Variants in TMPRSS11A observed in about 807,000 individuals in gnomAD.
The protein encoded by TMPRSS11A is transmembrane serine protease 11A, also known as transmembrane protease serine 11A.
TMPRSS11A carries 53 observed loss-of-function variants against 58.9 expected under a neutral mutation model. The ratio of observed to expected loss-of-function variants is 0.90; its 90% CI spans 0.72 to 1.13. The LOEUF (loss-of-function observed/expected upper bound fraction) is 1.13. Among genes scored for constraint, TMPRSS11A ranks in the 50% most tolerant of loss-of-function variants. TMPRSS11A has a pLI of 0.00. For missense variants in TMPRSS11A, 493 were observed against 499.3 expected (o/e 0.99, Z 0.12); for synonymous variants, 167 against 169.8 (o/e 0.98, Z 0.13).
At chr4:67,938,780 G>T (rs539285186) in intron 3 of TMPRSS11A, among the ~76,000 whole-genome samples, 3 of 151,946 alleles carry the variant, frequency 2.0e-5, no homozygotes, top group Admixed American at 2.0e-4. Flanking sequence ...GTCTGTTTTT[G>T]TACCAATGCC....
intron 1 of TMPRSS11A, among the ~76,000 whole-genome samples, chr4:67,955,495 A>T (rs888042093): frequency 6.6e-6 from 1 of 152,186 alleles, no homozygotes; most frequent in Non-Finnish European, 1.5e-5. Context: ...ATGCAAAAGG[A>T]ATTGTTTGTA....
At position 67,910,646 on chromosome 4, in the gene TMPRSS11A, A is replaced by T. The variant is rs1402894700; in HGVS notation, c.*696T>A. The T allele has an allele frequency of 6.6e-6, 1 of 152,084 alleles. No homozygotes were observed. Among genetic ancestry groups the T allele is most frequent in the East Asian group, 1.9e-4 (1 of 5,202 alleles). The allele number at this position is 152,084 out of a possible 1,614,324, so 9.4% of individuals were successfully genotyped here. ...TAATCACTCTATCTATCTATATATA[A>T]TTCATTAATCGGGATTTTTCTGATT... On this transcript the variant is annotated 3_prime_UTR_variant, in exon 10 of 10. Transcript: ENST00000508048.
At chr4:67,911,797 G>A (rs184071694) in intron 9 of TMPRSS11A, among the ~76,000 whole-genome samples, 347 of 152,146 alleles carry the variant, frequency 2.3e-3, no homozygotes, top group Non-Finnish European at 3.9e-3. Flanking sequence ...GTTACCTCAC[G>A]CAAGCTGTTC....
chr4:67,939,008 G>A (rs1238364477), intron 3 of TMPRSS11A, among the ~76,000 whole-genome samples: 1 of 151,964 alleles, frequency 6.6e-6, no homozygotes, highest in Non-Finnish European at 1.5e-5. Flanking sequence ...CTGGGCAGTA[G>A]GGACATTTTA....
At position 67,914,632 on chromosome 4, in the gene TMPRSS11A, T is replaced by G. The variant is rs1720097871; in HGVS notation, c.1051A>C (p.Met351Leu). 1 of 1,613,710 alleles carries G rather than the reference T, an allele frequency of 6.2e-7. No homozygotes were observed. Among genetic ancestry groups the G allele is most frequent in the South Asian group, 1.1e-5 (1 of 91,060 alleles). The change falls in exon 9 of 10, where the codon ATG becomes CTG. Residue 351 changes from methionine to leucine, a missense_variant. By Grantham distance (15) the Met-to-Leu change is conservative. Coordinates refer to ENST00000508048, the MANE Select transcript of TMPRSS11A (RefSeq NM_001114387.2). Reference sequence around the variant, plus strand: ...CCTTCCATATATCCGGCACAGAACATTCCAGGTTTTATATCATTGCCATAC... The same window carrying G: ...CCTTCCATATATCCGGCACAGAACAGTCCAGGTTTTATATCATTGCCATAC... ...QVYGNDIKPG[M>L]FCAGYMEGIY... is the part of the protein sequence containing the mutation.
intron 1 of TMPRSS11A, 35 bp downstream of exon 1, chr4:67,963,348 C>T: frequency 6.2e-7 from 1 of 1,612,616 alleles, no homozygotes; most frequent in Non-Finnish European, 8.5e-7. Context: ...GACAGTACAT[C>T]AAACAAGCCA....
At chr4:67,918,416 C>G (rs1720218120) in intron 8 of TMPRSS11A, among the ~76,000 whole-genome samples, 1 of 152,190 alleles carries the variant, frequency 6.6e-6, no homozygotes, top group Admixed American at 6.5e-5. Context: ...CTTAAATTAG[C>G]TTCTTCAGTA....
intron 8 of TMPRSS11A, 144 bp downstream of exon 8, chr4:67,918,829 T>C (rs2109736730): frequency 2.0e-6 from 2 of 980,728 alleles, no homozygotes; most frequent in Non-Finnish European, 3.0e-6. Flanking sequence ...TTAATGTGAA[T>C]TGAATTTCTG....
rs1464401088 is a variant in TMPRSS11A, at chr4:67,932,077, G to A, written c.253-17C>T. On this transcript the variant is annotated splice_polypyrimidine_tract_variant and intron_variant, in intron 3 of 9. Transcript: ENST00000508048. ...CTCATCCACCTGTTACACAACAAGAGAGAAACTATGTGTTAATAATATATT... is the reference window on the plus strand; with the variant it reads ...CTCATCCACCTGTTACACAACAAGAAAGAAACTATGTGTTAATAATATATT... The A allele has an allele frequency of 7.3e-7, 1 of 1,374,046 alleles. No individual in the cohort carries two copies. The highest frequency in any genetic ancestry group is 1.7e-5 in the Admixed American group (1 of 58,646). The allele number at this position is 1,374,046 out of a possible 1,614,324, so 85.1% of individuals were successfully genotyped here. A position where few individuals can be genotyped will look rare whatever the true frequency, so the allele number is the denominator to read the frequency against.
chr4:67,954,757 G>T (rs575082913), intron 1 of TMPRSS11A, among the ~76,000 whole-genome samples: 1 of 152,296 alleles, frequency 6.6e-6, no homozygotes, highest in East Asian at 1.9e-4. Flanking sequence ...GAGCCAGACT[G>T]CTTGAGTTCA....
chr4:67,916,271 TA>T (rs559662435), intron 8 of TMPRSS11A, among the ~76,000 whole-genome samples: 53 of 149,096 alleles, frequency 3.6e-4, no homozygotes, highest in African/African-American at 8.4e-4. Flanking sequence ...ATACATCAAT[TA>T]AAAAAAAAAC....
chr4:67,923,829 A>T (rs1720394102), intron 6 of TMPRSS11A, among the ~76,000 whole-genome samples: 1 of 152,212 alleles, frequency 6.6e-6, no homozygotes, highest in Non-Finnish European at 1.5e-5. Flanking sequence ...TTTATTTTGT[A>T]GCAGAAAGTA....
intron 7 of TMPRSS11A, among the ~76,000 whole-genome samples, chr4:67,920,551 T>TATATATATATATA (rs58054364): frequency 2.6e-4 from 21 of 80,068 alleles, no homozygotes; most frequent in Middle Eastern, 6.3e-3. Context: ...ATATATATAT[T>TATATATATATATA]TTTTTTTATA....
In TMPRSS11A at chr4:67,930,473, C is replaced by G. The variant is rs540665130; in HGVS notation, c.321-433G>C. On this transcript the variant is annotated intron_variant, in intron 4 of 9. Coordinates refer to ENST00000508048, the MANE Select transcript of TMPRSS11A (RefSeq NM_001114387.2). ...CTAAAGAGGCTTGTTTCTCTTTGGT[C>G]AGCTCTGCTTTTAAGAGTTCATCAT... Among the ~76,000 whole-genome samples, 221 of 152,200 alleles carry G rather than the reference C, an allele frequency of 1.5e-3. 1 individual carries two copies. The highest frequency in any genetic ancestry group is 4.9e-3 in the African/African-American group (203 of 41,534).
At chr4:67,941,994 T>C (rs1322171901) in intron 3 of TMPRSS11A, among the ~76,000 whole-genome samples, 1 of 151,962 alleles carries the variant, frequency 6.6e-6, no homozygotes, top group African/African-American at 2.4e-5. Flanking sequence ...ATCCAGAAAA[T>C]GTAAAGAACT....
At chr4:67,928,481 C>T (rs1720530601) in intron 5 of TMPRSS11A, among the ~76,000 whole-genome samples, 1 of 152,214 alleles carries the variant, frequency 6.6e-6, no homozygotes, top group African/African-American at 2.4e-5. Flanking sequence ...ACAATTTATG[C>T]TTTACTCTGG....
chr4:67,951,752 C>T (rs1721167706), intron 1 of TMPRSS11A, among the ~76,000 whole-genome samples: 1 of 152,194 alleles, frequency 6.6e-6, no homozygotes, highest in African/African-American at 2.4e-5. Context: ...TATTGGTCAG[C>T]TTTCCAGGCC....
chr4:67,950,864 T>G (rs540429968), intron 1 of TMPRSS11A, among the ~76,000 whole-genome samples: 1 of 152,324 alleles, frequency 6.6e-6, no homozygotes, highest in East Asian at 1.9e-4. Context: ...GGAAGAAAGC[T>G]AAAAGTAATC....
At chr4:67,945,598 G>A (rs986628605) in intron 2 of TMPRSS11A, among the ~76,000 whole-genome samples, 2 of 152,114 alleles carry the variant, frequency 1.3e-5, no homozygotes, top group African/African-American at 4.8e-5. Context: ...ACTACAGCTG[G>A]GGTTATCATA....
Sources: gnomAD v4.1 joint callset for allele counts (sites outside exome capture counted in the v4.1 genomes callset) on GRCh38, gnomAD v4.1.1 for gene constraint, MANE v1.5 for transcripts, NCBI Gene and HGNC (gene_info 2026-07-23, HGNC 2026-07-21) for gene names.